The following COMMD10 variants were observed in gnomAD, a reference collection of about 807,000 sequenced individuals.
COMMD10 encodes COMM domain containing 10.
In COMMD10, 33 loss-of-function variants were observed where a neutral mutation model predicts 28.9. That is an observed-to-expected ratio of 1.14 (90% confidence interval 0.87 to 1.53). The LOEUF (loss-of-function observed/expected upper bound fraction) is 1.53, where lower values mean the gene tolerates loss of function less well. Among genes scored for constraint, COMMD10 ranks in the 40% most tolerant of loss-of-function variants. The pLI, the probability that COMMD10 is intolerant of heterozygous loss-of-function variation, is 0.00. For missense variants in COMMD10, 310 were observed against 233.4 expected (o/e 1.33, Z -2.14); for synonymous variants, 110 against 81.7 (o/e 1.35, Z -1.87).
intron 4 of COMMD10, among the ~76,000 whole-genome samples, chr5:116,099,530 A>T (rs966989271): frequency 4.6e-5 from 7 of 152,144 alleles, no homozygotes; most frequent in Non-Finnish European, 1.0e-4. Flanking sequence ...ACTGTTTTTC[A>T]TAAAGGCTGT....
rs1198146723 is a variant in COMMD10 at position 116,270,211 on chromosome 5, A to AT, written c.511-21303dup. On this transcript the variant is annotated intron_variant, in intron 5 of 6. Transcript: ENST00000274458. ...ATGGCAGACTTTAACTGGATGCTTT[A>AT]TTTAGGCTTTTCGAAAGCAAAAAAA... Among the ~76,000 whole-genome samples the AT allele has an allele frequency of 7.2e-5, 11 of 151,938 alleles. 1 individual carries two copies. The highest frequency in any genetic ancestry group is 2.7e-4 in the African/African-American group (11 of 41,236).
intron 2 of COMMD10, among the ~76,000 whole-genome samples, chr5:116,089,975 C>G (rs116558604): frequency 6.6e-6 from 1 of 152,150 alleles, no homozygotes; most frequent in East Asian, 1.9e-4. Context: ...TACCTTGAGA[C>G]AGAATTCTTA....
chr5:116,188,976 C>T (rs1748250381), intron 5 of COMMD10, among the ~76,000 whole-genome samples: 1 of 152,190 alleles, frequency 6.6e-6, no homozygotes, highest in Non-Finnish European at 1.5e-5. Flanking sequence ...CACATAATAT[C>T]ACTGTGAAAA....
At chr5:116,139,820 G>A (rs756891742) in intron 5 of COMMD10, among the ~76,000 whole-genome samples, 10 of 151,590 alleles carry the variant, frequency 6.6e-5, no homozygotes, top group Non-Finnish European at 1.2e-4. Flanking sequence ...AATATACATA[G>A]TAAAATGATT....
At position 116,158,476 on chromosome 5, in the gene COMMD10, C is replaced by T. The variant is rs71588777; in HGVS notation, c.510+24298C>T. 0.015 allele frequency among the ~76,000 whole-genome samples: 16 copies of T among 1,044 alleles called. 6 individuals are homozygous for T. In the African/African-American group the frequency reaches 0.22, roughly 14 times the overall value. 0.7% of individuals were successfully genotyped at this position (1,044 alleles called of 152,430 possible). A position where few individuals can be genotyped will look rare whatever the true frequency, so the allele number is the denominator to read the frequency against. On this transcript the variant is annotated intron_variant, in intron 5 of 6. Coordinates refer to ENST00000274458, the MANE Select transcript of COMMD10 (RefSeq NM_016144.4). ...CTCCCTCTCCCCTCTCTCCCTCTCCCCTCTCTCCCTCTCCTCTCTCCCCCT... is the reference window on the plus strand; with the variant it reads ...CTCCCTCTCCCCTCTCTCCCTCTCCTCTCTCTCCCTCTCCTCTCTCCCCCT...
At chr5:116,265,824 A>G (rs1185272912) in intron 5 of COMMD10, among the ~76,000 whole-genome samples, 2 of 151,832 alleles carry the variant, frequency 1.3e-5, no homozygotes, top group Admixed American at 6.6e-5. Flanking sequence ...CTTAAAACAC[A>G]TGCAGTTCGA....
chr5:116,114,628 G>C (rs937058617), intron 4 of COMMD10, among the ~76,000 whole-genome samples: 1 of 152,180 alleles, frequency 6.6e-6, no homozygotes. Context: ...GGGAAAGCCT[G>C]GGCTTGTCCT....
At chr5:116,246,685 T>C (rs12519211) in intron 5 of COMMD10, among the ~76,000 whole-genome samples, 56,576 of 151,878 alleles carry the variant, frequency 0.37, 12,933 homozygotes, top group African/African-American at 0.66. Flanking sequence ...TATAAGGCCA[T>C]ATACCTACAA....
Position 116,218,221 on chromosome 5 carries a change from A to G in COMMD10, c.511-73296A>G, listed in dbSNP as rs1309243479. 7 of 760,118 alleles carry G rather than the reference A, an allele frequency of 9.2e-6. 1 individual carries two copies. The highest frequency in any genetic ancestry group is 5.4e-5 in the South Asian group (4 of 74,202). The allele number at this position is 760,118 out of a possible 1,614,324, so 47.1% of individuals were successfully genotyped here. On this transcript the variant is annotated intron_variant, in intron 5 of 6. Transcript: ENST00000274458. ...AAGCAGGTTTAGCGGACAACCTTGC[A>G]GATCTTCTCTGTGGTTCGTCCTTTA... is the stretch of plus-strand genomic sequence containing the variant.
In COMMD10 at chr5:116,291,573, C is replaced by G; in HGVS notation, c.567C>G (p.Asn189Lys). The G allele has an allele frequency of 6.4e-7, 1 of 1,558,616 alleles. No homozygotes were observed. The highest frequency in any genetic ancestry group is 8.8e-7 in the Non-Finnish European group (1 of 1,137,370). ...ACAAGGAGTTGTTTGATTTCTATAACAAGGTCTGTATTTTTAAAATAATTT... is the reference window on the plus strand; with the variant it reads ...ACAAGGAGTTGTTTGATTTCTATAAGAAGGTCTGTATTTTTAAAATAATTT... ...FSHKELFDFY[N>K]KLETIQAQLD... Residue 189 changes from asparagine (N) to lysine (K), a missense_variant, in exon 6 of 7, where the codon AAC (asparagine) becomes AAG (lysine). Asn to Lys is a moderately conservative substitution (Grantham distance 94). Coordinates refer to ENST00000274458, the MANE Select transcript of COMMD10 (RefSeq NM_016144.4).
chr5:116,129,855 GTAT>G (rs1355271796), intron 4 of COMMD10, among the ~76,000 whole-genome samples: 1 of 146,480 alleles, frequency 6.8e-6, no homozygotes, highest in Non-Finnish European at 1.5e-5. Flanking sequence ...ATGTAGTATA[GTAT>G]TATATAGCTA....
chr5:116,285,867 A>C (rs1751206364), intron 5 of COMMD10, among the ~76,000 whole-genome samples: 1 of 151,790 alleles, frequency 6.6e-6, no homozygotes, highest in Non-Finnish European at 1.5e-5. Flanking sequence ...CCAGGATAAT[A>C]CTGGCCTCAT....
In COMMD10 at chr5:116,152,611, TTTAA is replaced by T. The variant is rs533514198; in HGVS notation, c.510+18436_510+18439del. Among the ~76,000 whole-genome samples, 273 of 152,256 alleles carry T rather than the reference TTTAA, an allele frequency of 1.8e-3. 1 individual carries two copies. The highest frequency in any genetic ancestry group is 6.0e-3 in the African/African-American group (250 of 41,586). ...TTAAAAGAGGAAGTGAATGGTGTTA[TTTAA>T]TTGTCAGTTTTAGAATAAGAGAATA... is the stretch of plus-strand genomic sequence containing the variant. On this transcript the variant is annotated intron_variant, in intron 5 of 6. Transcript: ENST00000274458.
chr5:116,256,183 A>G (rs1750278886), intron 5 of COMMD10, among the ~76,000 whole-genome samples: 1 of 151,754 alleles, frequency 6.6e-6, no homozygotes, highest in Non-Finnish European at 1.5e-5. Flanking sequence ...GAAGAAGAAA[A>G]GAATCTACAG....
intron 5 of COMMD10, among the ~76,000 whole-genome samples, chr5:116,172,888 A>C (rs893401083): frequency 2.0e-5 from 3 of 152,148 alleles, no homozygotes; most frequent in African/African-American, 7.2e-5. Flanking sequence ...AATTTGACTA[A>C]TACAAGAATT....
intron 5 of COMMD10, among the ~76,000 whole-genome samples, chr5:116,195,856 G>C (rs78158732): frequency 0.11 from 17,032 of 152,106 alleles, 1,375 homozygotes; most frequent in African/African-American, 0.22. Context: ...CTAATGACCA[G>C]GGAAATACAA....
chr5:116,183,642 G>A (rs1748047309), intron 5 of COMMD10, among the ~76,000 whole-genome samples: 1 of 152,024 alleles, frequency 6.6e-6, no homozygotes, highest in African/African-American at 2.4e-5. Context: ...GACCATTTCT[G>A]TTTTGTTCAC....
At chr5:116,134,031 G>T in intron 4 of COMMD10, 37 bp from the exon 5 acceptor site, 2 of 1,159,122 alleles carry the variant, frequency 1.7e-6, no homozygotes, top group East Asian at 2.3e-5. Flanking sequence ...TCTTCCTTCT[G>T]TACCATCTGA....
At chr5:116,093,810 G>A (rs1177120132) in intron 4 of COMMD10, among the ~76,000 whole-genome samples, 1 of 152,168 alleles carries the variant, frequency 6.6e-6, no homozygotes, top group Non-Finnish European at 1.5e-5. Flanking sequence ...ACAGCATGGT[G>A]TTGGTAGAAA....
Sources: gnomAD v4.1 joint callset for allele counts (sites outside exome capture counted in the v4.1 genomes callset) on GRCh38, gnomAD v4.1.1 for gene constraint, MANE v1.5 for transcripts, NCBI Gene and HGNC (gene_info 2026-07-23, HGNC 2026-07-21) for gene names.